KIT: variants seen among roughly 807,000 people sequenced by gnomAD.
The protein encoded by KIT is KIT proto-oncogene, receptor tyrosine kinase, also known as mast/stem cell growth factor receptor Kit.
In KIT, 16 loss-of-function variants were observed where a neutral mutation model predicts 105.7. The ratio of observed to expected loss-of-function variants is 0.15; its 90% confidence interval spans 0.10 to 0.23. KIT has a LOEUF of 0.23. Ranked by LOEUF, KIT falls within the 10% of genes least tolerant of loss-of-function variation. KIT has a pLI of 1.00. For missense variants in KIT, 858 were observed against 1,213.8 expected, an observed-to-expected ratio of 0.71 and a Z score of 4.36; for synonymous variants, 438 against 441.1, an observed-to-expected ratio of 0.99 and a Z score of 0.09.
chr4:54,729,322 T>TA lies in KIT; in HGVS notation c.1991-12dup. On this transcript the variant is annotated splice_polypyrimidine_tract_variant and intron_variant, in intron 13 of 20. Transcript: ENST00000288135. ...TCTCACCTTCTTTCTAACCTTTTCT[T>TA]ATGTGCTTTTAGGGCCCACCCTGGT... The TA allele has an allele frequency of 6.2e-7, 1 of 1,613,124 alleles. No homozygotes were observed. Among genetic ancestry groups the TA allele is most frequent in the Non-Finnish European group, 8.5e-7 (1 of 1,179,504 alleles).
At chr4:54,678,744 G>A (rs1455024378) in intron 1 of KIT, among the ~76,000 whole-genome samples, 1 of 152,082 alleles carries the variant, frequency 6.6e-6, no homozygotes, top group African/African-American at 2.4e-5. Context: ...CAATATTGCT[G>A]AGTAAAGTTA....
chr4:54,723,729 A>T lies in KIT; in HGVS notation c.1346+31A>T, dbSNP rs547332011. On this transcript the variant is annotated intron_variant, in intron 8 of 20. Coordinates refer to ENST00000288135, the MANE Select transcript of KIT (RefSeq NM_000222.3). ...ATGATTATTTTTGGCACTGCTTATA[A>T]TGCAGAGGGGAAGGACTGCAATTCA... is the stretch of plus-strand genomic sequence containing the variant. The T allele has an allele frequency of 8.3e-5, 101 of 1,220,472 alleles. 1 individual carries two copies. Among genetic ancestry groups the T allele is most frequent in the South Asian group, 7.6e-4 (63 of 83,248 alleles). 75.6% of individuals were successfully genotyped at this position (1,220,472 alleles called of 1,614,324 possible). A position where few individuals can be genotyped will look rare whatever the true frequency, so the allele number is the denominator to read the frequency against.
At chr4:54,673,861 C>T (rs1718282738) in intron 1 of KIT, among the ~76,000 whole-genome samples, 1 of 152,064 alleles carries the variant, frequency 6.6e-6, no homozygotes, top group African/African-American at 2.4e-5. Context: ...GCTCTGCCTC[C>T]CTAGTTCAAG....
At chr4:54,711,688 G>A (rs1253357320) in intron 7 of KIT, among the ~76,000 whole-genome samples, 1 of 62,966 alleles carries the variant, frequency 1.6e-5, no homozygotes, top group East Asian at 3.3e-4. Flanking sequence ...TTGGGAGGCC[G>A]AAGCAGGTGG....
chr4:54,670,892 C>A (rs182342811), intron 1 of KIT, among the ~76,000 whole-genome samples: 11 of 152,290 alleles, frequency 7.2e-5, no homozygotes, highest in Admixed American at 7.2e-4. Context: ...AATCACTTTT[C>A]TGCATGGCTG....
At chr4:54,732,803 T>G (rs1722691430) in intron 16 of KIT, among the ~76,000 whole-genome samples, 1 of 152,190 alleles carries the variant, frequency 6.6e-6, no homozygotes, top group East Asian at 1.9e-4. Flanking sequence ...TTCTTATGTA[T>G]TTCCCTATGA....
intron 19 of KIT, 127 bp downstream of exon 19, chr4:54,736,947 C>T: frequency 1.3e-6 from 1 of 766,798 alleles, no homozygotes; most frequent in East Asian, 2.7e-5. Context: ...CTTTATGACA[C>T]ACTGGTCAAA....
At chr4:54,663,070 G>A (rs1190409277) in intron 1 of KIT, among the ~76,000 whole-genome samples, 2 of 149,958 alleles carry the variant, frequency 1.3e-5, no homozygotes, top group African/African-American at 4.9e-5. Flanking sequence ...TTCATCTTAT[G>A]TTTTAGCTTT....
intron 1 of KIT, among the ~76,000 whole-genome samples, chr4:54,679,817 CTAT>C (rs1311710904): frequency 6.6e-6 from 1 of 152,148 alleles, no homozygotes; most frequent in Non-Finnish European, 1.5e-5. Flanking sequence ...ACACAGTGGA[CTAT>C]TATTCAGCCT....
chr4:54,735,356 A>G (rs1722864165), intron 17 of KIT, among the ~76,000 whole-genome samples: 1 of 145,596 alleles, frequency 6.9e-6, no homozygotes, highest in Non-Finnish European at 1.5e-5. Context: ...GACTAAAATA[A>G]CTTTAACACC....
chr4:54,703,294 A>G (rs1720568056), intron 4 of KIT, among the ~76,000 whole-genome samples: 1 of 152,210 alleles, frequency 6.6e-6, no homozygotes, highest in Non-Finnish European at 1.5e-5. Context: ...ATAAATTTTA[A>G]TAAAATAGAA....
chr4:54,718,526 T>G (rs1187096545), intron 7 of KIT, among the ~76,000 whole-genome samples: 1 of 152,222 alleles, frequency 6.6e-6, no homozygotes, highest in Non-Finnish European at 1.5e-5. Flanking sequence ...AAAACAGCCA[T>G]GCCTATTTGA....
At chr4:54,707,594 A>G (rs556345990) in intron 6 of KIT, among the ~76,000 whole-genome samples, 2 of 152,358 alleles carry the variant, frequency 1.3e-5, no homozygotes, top group Admixed American at 6.5e-5. Context: ...GGGATACAGC[A>G]AGTCTCTTCA....
intron 5 of KIT, among the ~76,000 whole-genome samples, chr4:54,705,341 A>G (rs1720718667): frequency 6.6e-6 from 1 of 152,230 alleles, no homozygotes; most frequent in Non-Finnish European, 1.5e-5. Flanking sequence ...GGAGACAAAC[A>G]GAAAAGTAAT....
intron 1 of KIT, among the ~76,000 whole-genome samples, chr4:54,689,348 G>A (rs561491910): frequency 6.6e-6 from 1 of 152,208 alleles, no homozygotes; most frequent in Non-Finnish European, 1.5e-5. Context: ...GATGACTCAT[G>A]GTGTGAGCAG....
intron 8 of KIT, among the ~76,000 whole-genome samples, chr4:54,724,493 G>A (rs1282770638): frequency 4.6e-5 from 7 of 152,106 alleles, no homozygotes; most frequent in Non-Finnish European, 4.4e-5. Flanking sequence ...TACTAAGTAG[G>A]GTTCAAGGCC....
rs925061915 is a variant in KIT at position 54,739,880 on chromosome 4, G to A, written c.*1323G>A. The A allele has an allele frequency of 4.3e-6, 1 of 233,296 alleles. No homozygotes were observed. Among genetic ancestry groups the A allele is most frequent in the Non-Finnish European group, 8.5e-6 (1 of 117,912 alleles). 14.5% of individuals were successfully genotyped at this position (233,296 alleles called of 1,614,324 possible). A position where few individuals can be genotyped will look rare whatever the true frequency, so the allele number is the denominator to read the frequency against. On this transcript the variant is annotated 3_prime_UTR_variant, in exon 21 of 21. Transcript: ENST00000288135. The stretch of plus-strand genomic sequence containing the variant: ...GTCCCTATGTATTTGCAGTTCACCT[G>A]CACTTAAGGCACTCTGTTATTTAGA...
At chr4:54,701,864 A>G (rs182346175) in intron 4 of KIT, among the ~76,000 whole-genome samples, 12 of 152,310 alleles carry the variant, frequency 7.9e-5, no homozygotes, top group Non-Finnish European at 1.8e-4. Context: ...TCTTCTTGAC[A>G]ATTGATCTTA....
chr4:54,661,345 A>T (rs752907613), intron 1 of KIT, among the ~76,000 whole-genome samples: 1 of 151,948 alleles, frequency 6.6e-6, no homozygotes, highest in Admixed American at 6.5e-5. Flanking sequence ...ACATTTATGT[A>T]CAGATGTTGT....
Sources: gnomAD v4.1 joint callset for allele counts (sites outside exome capture counted in the v4.1 genomes callset) on GRCh38, gnomAD v4.1.1 for gene constraint, MANE v1.5 for transcripts, NCBI Gene and HGNC (gene_info 2026-07-23, HGNC 2026-07-21) for gene names.